The following DIP2C variants were observed in gnomAD, a reference collection of about 807,000 sequenced individuals.
The protein encoded by DIP2C is DIP2 acetate--CoA ligase C (putative), also known as disco-interacting protein 2 homolog C.
DIP2C carries 33 observed loss-of-function variants against 192.4 expected under a neutral mutation model. The observed-to-expected ratio is 0.17, with a 90% CI of 0.13 to 0.23. The LOEUF (loss-of-function observed/expected upper bound fraction) is 0.23. Among genes scored for constraint, DIP2C ranks in the 10% least tolerant of loss-of-function variants. The pLI, the probability that DIP2C is intolerant of heterozygous loss-of-function variation, is 1.00. For synonymous variants in DIP2C, 979 were observed against 864.1 expected (o/e 1.13, Z -2.33); for missense variants, 1,537 against 2,110.1 (o/e 0.73, Z 5.32).
chr10:306,414 C>T (rs973539167), intron 32 of DIP2C, among the ~76,000 whole-genome samples: 1 of 152,152 alleles, frequency 6.6e-6, no homozygotes, highest in Non-Finnish European at 1.5e-5. Context: ...TGTGCGTGTG[C>T]ACATTCATAT....
intron 8 of DIP2C, among the ~76,000 whole-genome samples, chr10:410,113 T>A (rs185959894): frequency 1.5e-3 from 231 of 152,344 alleles, no homozygotes; most frequent in Non-Finnish European, 2.7e-3. Context: ...CACCCTGAAT[T>A]AATTTCATAT....
chr10:325,278 C>CA lies in DIP2C; in HGVS notation c.3924+1727dup, dbSNP rs547944516. Among the ~76,000 whole-genome samples the CA allele has an allele frequency of 7.0e-3, 988 of 141,494 alleles. 13 individuals are homozygous for CA. Among genetic ancestry groups the CA allele is most frequent in the Admixed American group, 0.011 (156 of 14,206 alleles). The allele number at this position is 141,494 out of a possible 152,430, so 92.8% of individuals were successfully genotyped here. A position where few individuals can be genotyped will look rare whatever the true frequency, so the allele number is the denominator to read the frequency against. On this transcript the variant is annotated intron_variant, in intron 31 of 36. Transcript: ENST00000280886. ...ATACTCCATCTCAAAAACAAACAAACAAAAAAAAAACATTTTGGATCCAGG... is the reference window on the plus strand; with the variant it reads ...ATACTCCATCTCAAAAACAAACAAACAAAAAAAAAAACATTTTGGATCCAGG...
chr10:498,805 A>T (rs1158623312), intron 1 of DIP2C, among the ~76,000 whole-genome samples: 1 of 152,208 alleles, frequency 6.6e-6, no homozygotes, highest in East Asian at 1.9e-4. Context: ...CAGGCCTGAA[A>T]AAAGCTACTG....
At chr10:677,459 A>G (rs997873894) in intron 1 of DIP2C, among the ~76,000 whole-genome samples, 34 of 152,252 alleles carry the variant, frequency 2.2e-4, no homozygotes, top group African/African-American at 8.0e-4. Flanking sequence ...AGTATCCATT[A>G]TATTCTCCAA....
At chr10:542,509 A>G (rs1848055366) in intron 1 of DIP2C, among the ~76,000 whole-genome samples, 1 of 152,230 alleles carries the variant, frequency 6.6e-6, no homozygotes, top group Non-Finnish European at 1.5e-5. Flanking sequence ...TTCCCCAGCC[A>G]CTACGGCCGA....
At position 689,493 on chromosome 10, in the gene DIP2C, C is replaced by T; in HGVS notation, c.85+1G>A. The T allele has an allele frequency of 8.0e-7, 1 of 1,256,166 alleles. No homozygotes were observed. Among genetic ancestry groups the T allele is most frequent in the Non-Finnish European group, 1.0e-6 (1 of 981,434 alleles). The allele number at this position is 1,256,166 out of a possible 1,614,324, so 77.8% of individuals were successfully genotyped here. A position where few individuals can be genotyped will look rare whatever the true frequency, so the allele number is the denominator to read the frequency against. On this transcript the variant is annotated splice_donor_variant, in intron 1 of 36. Transcript: ENST00000280886. LOFTEE classifies it high-confidence loss of function. The surrounding 1 kb of genome is among the most constrained non-coding windows in gnomAD (Gnocchi z 6.1). Reference sequence around the variant, plus strand: ...CCGGCCCGGGGCGGGGGCCCGGTTACCTTCCGACAGCTCCAGCTCCAGCTC... The same window carrying T: ...CCGGCCCGGGGCGGGGGCCCGGTTATCTTCCGACAGCTCCAGCTCCAGCTC...
chr10:278,585 A>G (rs551124489), intron 36 of DIP2C, among the ~76,000 whole-genome samples: 1 of 152,350 alleles, frequency 6.6e-6, no homozygotes, highest in African/African-American at 2.4e-5. Flanking sequence ...ACATTGTAAC[A>G]ACTCTCTCTA....
intron 1 of DIP2C, among the ~76,000 whole-genome samples, chr10:589,733 CTAA>C (rs1213767656): frequency 6.6e-6 from 1 of 152,174 alleles, no homozygotes; most frequent in Non-Finnish European, 1.5e-5. Context: ...TAGAAATACT[CTAA>C]TGAGATTCTT....
At chr10:512,476 G>T (rs535535082) in intron 1 of DIP2C, among the ~76,000 whole-genome samples, 3 of 152,112 alleles carry the variant, frequency 2.0e-5, no homozygotes, top group African/African-American at 7.3e-5. Context: ...TCAGGGTGCT[G>T]AGGTGGGAGG....
rs1229434567 is a variant in DIP2C, at chr10:507,267, G to A, written c.86-20737C>T. 5.3e-5 allele frequency among the ~76,000 whole-genome samples: 8 copies of A among 151,498 alleles called. No homozygotes were observed. In the South Asian group the frequency reaches 1.5e-3, roughly 28 times the overall value. On this transcript the variant is annotated intron_variant, in intron 1 of 36. Transcript: ENST00000280886. The stretch of plus-strand genomic sequence containing the variant: ...GGTTACGGACCTGGTCACCCGCTGT[G>A]TCCAATCAGAGACGTATGAGGTTAC...
chr10:678,606 T>A (rs1830962788), intron 1 of DIP2C, among the ~76,000 whole-genome samples: 1 of 140,072 alleles, frequency 7.1e-6, no homozygotes, highest in African/African-American at 2.8e-5. Context: ...CCCACACTCG[T>A]GATCCCCGTG....
At chr10:476,424 G>A (rs773969741) in intron 2 of DIP2C, among the ~76,000 whole-genome samples, 1 of 152,158 alleles carries the variant, frequency 6.6e-6, no homozygotes, top group African/African-American at 2.4e-5. Context: ...TCCTGCCTCT[G>A]GACAGAAGCA....
At chr10:306,728 C>T (rs117948262) in intron 32 of DIP2C, among the ~76,000 whole-genome samples, 446 of 152,332 alleles carry the variant, frequency 2.9e-3, no homozygotes, top group Middle Eastern at 0.02. Context: ...AGCCCTGGGC[C>T]GGTGGATCAG....
At chr10:385,792 G>A (rs4881212) in intron 14 of DIP2C, among the ~76,000 whole-genome samples, 55,153 of 151,944 alleles carry the variant, frequency 0.36, 10,909 homozygotes, top group East Asian at 0.6. Context: ...TGTAGGCTAC[G>A]GGGTGGGGGC....
At chr10:354,057 G>A (rs1461769207) in intron 24 of DIP2C, among the ~76,000 whole-genome samples, 5 of 152,206 alleles carry the variant, frequency 3.3e-5, no homozygotes, top group African/African-American at 7.2e-5. Flanking sequence ...AAGGACCCAT[G>A]CCTGATCTGA....
At chr10:526,878 C>A (rs982142136) in intron 1 of DIP2C, among the ~76,000 whole-genome samples, 6 of 152,236 alleles carry the variant, frequency 3.9e-5, no homozygotes, top group African/African-American at 1.4e-4. Context: ...CGGCAGAGTC[C>A]CTGGTGCCAT....
At chr10:296,035 G>C in intron 32 of DIP2C, among the ~76,000 whole-genome samples, 1 of 152,096 alleles carries the variant, frequency 6.6e-6, no homozygotes, top group East Asian at 1.9e-4. Context: ...TTGTCAAATG[G>C]GTTGATTGCA....
At chr10:442,188 G>A (rs949633695) in intron 3 of DIP2C, among the ~76,000 whole-genome samples, 2 of 152,154 alleles carry the variant, frequency 1.3e-5, no homozygotes, top group East Asian at 1.9e-4. Context: ...TCCCCAGGAC[G>A]AGGCAGTCTT....
intron 29 of DIP2C, among the ~76,000 whole-genome samples, chr10:336,676 G>A (rs1023463439): frequency 2.0e-5 from 3 of 152,220 alleles, no homozygotes; most frequent in Non-Finnish European, 4.4e-5. Flanking sequence ...CAGCCTCAGT[G>A]GGTCCTTCAG....
Sources: gnomAD v4.1 joint callset for allele counts (sites outside exome capture counted in the v4.1 genomes callset) on GRCh38, gnomAD v4.1.1 for gene constraint, Gnocchi (gnomAD v3.1) non-coding constraint, MANE v1.5 for transcripts, NCBI Gene and HGNC (gene_info 2026-07-23, HGNC 2026-07-21) for gene names.